The following SPON1 variants were observed in gnomAD, a reference collection of about 807,000 sequenced individuals.
SPON1 encodes spondin 1, also known as spondin-1.
SPON1 carries 52 observed loss-of-function variants against 111.7 expected under a neutral mutation model. The ratio of observed to expected loss-of-function variants is 0.47; its 90% CI spans 0.37 to 0.59. The LOEUF (loss-of-function observed/expected upper bound fraction) is 0.59. SPON1 is among the 20% of genes least tolerant of loss of function. The pLI, the probability that SPON1 is intolerant of heterozygous loss-of-function variation, is 0.00. For synonymous variants in SPON1, 410 were observed against 395.8 expected, an observed-to-expected ratio of 1.04 and a Z score of -0.43; for missense variants, 957 against 1,068.5, an observed-to-expected ratio of 0.90 and a Z score of 1.46.
At chr11:14,209,426 G>A (rs1301595704) in intron 6 of SPON1, among the ~76,000 whole-genome samples, 6 of 151,608 alleles carry the variant, frequency 4.0e-5, no homozygotes, top group East Asian at 1.9e-4. Flanking sequence ...CCCACACCCC[G>A]ACAGGCCCCG....
Position 14,265,584 on chromosome 11 carries a change from T to C in SPON1, c.2321T>C (p.Ile774Thr), listed in dbSNP as rs1554942399. 1 of 1,613,700 alleles carries C rather than the reference T, an allele frequency of 6.2e-7. No individual in the cohort carries two copies. Among genetic ancestry groups the C allele is most frequent in the Admixed American group, 1.7e-5 (1 of 59,994 alleles). ...SECTKLCGGG[I>T]QERYMTVKKR... is the part of the protein sequence containing the mutation. ...TGCACCAAACTGTGCGGAGGTGGAA[T>C]TCAGGAACGTTACATGACTGTAAAG... Residue 774 changes from isoleucine (I) to threonine (T), a missense_variant, in exon 16 of 16, where the codon ATT becomes ACT. By Grantham distance (89) the Ile-to-Thr change is moderately conservative. Coordinates refer to ENST00000576479, the MANE Select transcript of SPON1 (RefSeq NM_006108.4).
intron 6 of SPON1, among the ~76,000 whole-genome samples, chr11:14,156,830 C>T (rs1211027900): frequency 1.3e-5 from 2 of 152,046 alleles, no homozygotes; most frequent in Non-Finnish European, 2.9e-5. Context: ...TTTCTGAGGG[C>T]TCTGTTCTGT....
intron 3 of SPON1, among the ~76,000 whole-genome samples, chr11:14,061,662 T>A (rs1344790613): frequency 6.6e-6 from 1 of 152,154 alleles, no homozygotes; most frequent in Non-Finnish European, 1.5e-5. Context: ...GCCTAAACAG[T>A]AATACAAATA....
At chr11:14,157,658 T>C (rs975589317) in intron 6 of SPON1, among the ~76,000 whole-genome samples, 9 of 152,138 alleles carry the variant, frequency 5.9e-5, no homozygotes, top group Admixed American at 3.3e-4. Flanking sequence ...TTCTGGAACT[T>C]TAATTATATA....
At chr11:14,126,029 G>T (rs1478678882) in intron 5 of SPON1, among the ~76,000 whole-genome samples, 1 of 152,170 alleles carries the variant, frequency 6.6e-6, no homozygotes, top group African/African-American at 2.4e-5. Context: ...CCAGCTTAAA[G>T]GCAGTTAGGC....
intron 6 of SPON1, among the ~76,000 whole-genome samples, chr11:14,178,295 G>C (rs535421114): frequency 6.6e-6 from 1 of 151,948 alleles, no homozygotes; most frequent in African/African-American, 2.4e-5. Flanking sequence ...GGTGGCGGGC[G>C]CCTGTAGTCC....
intron 2 of SPON1, among the ~76,000 whole-genome samples, chr11:14,006,042 G>C (rs992190038): frequency 1.3e-5 from 2 of 152,104 alleles, no homozygotes; most frequent in Non-Finnish European, 2.9e-5. Context: ...ATTATTATTA[G>C]GGTAACATTA....
chr11:14,113,831 C>T (rs1378996076), intron 5 of SPON1, among the ~76,000 whole-genome samples: 3 of 150,924 alleles, frequency 2.0e-5, no homozygotes, highest in Non-Finnish European at 4.5e-5. Flanking sequence ...GTCTCGATCT[C>T]CTGACCTCGT....
chr11:14,042,438 G>T (rs192600615), intron 3 of SPON1, among the ~76,000 whole-genome samples: 55 of 152,130 alleles, frequency 3.6e-4, no homozygotes, highest in Non-Finnish European at 7.1e-4. Flanking sequence ...AGTATTTATG[G>T]TGACATCTAT....
intron 6 of SPON1, among the ~76,000 whole-genome samples, chr11:14,234,376 C>T (rs543486376): frequency 1.4e-4 from 22 of 152,164 alleles, no homozygotes; most frequent in Admixed American, 3.9e-4. Context: ...AGGCGGACCA[C>T]GGAAGAGCAG....
chr11:14,171,612 T>G (rs1848101654), intron 6 of SPON1, among the ~76,000 whole-genome samples: 1 of 152,222 alleles, frequency 6.6e-6, no homozygotes, highest in Admixed American at 6.5e-5. Flanking sequence ...CTTTCCTGCT[T>G]TCTCCTGTGG....
chr11:13,995,360 A>G (rs1848263200), intron 2 of SPON1, among the ~76,000 whole-genome samples: 1 of 152,170 alleles, frequency 6.6e-6, no homozygotes, highest in Non-Finnish European at 1.5e-5. Flanking sequence ...GTTTATAAAC[A>G]AAGAGGTTTA....
In SPON1 at chr11:14,197,499, A is replaced by G. The variant is rs1204078015; in HGVS notation, c.826-45833A>G. Among the ~76,000 whole-genome samples, 12 of 149,624 alleles carry G rather than the reference A, an allele frequency of 8.0e-5. 2 individuals carry two copies. The East Asian group carries it at 1.7e-3, about 22-fold the overall frequency. On this transcript the variant is annotated intron_variant, in intron 6 of 15. Transcript: ENST00000576479. ...AAAGGTCCTCTTTAAAAATAAATAA[A>G]TAAATAAATAAATAAATAAATAAAC... is the stretch of plus-strand genomic sequence containing the variant.
intron 4 of SPON1, among the ~76,000 whole-genome samples, chr11:14,077,896 G>A (rs1848931055): frequency 6.6e-6 from 1 of 151,922 alleles, no homozygotes; most frequent in Non-Finnish European, 1.5e-5. Flanking sequence ...AACAGAAACA[G>A]GATAATGAGA....
At chr11:14,199,712 G>A (rs1360580736) in intron 6 of SPON1, among the ~76,000 whole-genome samples, 2 of 152,126 alleles carry the variant, frequency 1.3e-5, no homozygotes, top group African/African-American at 4.8e-5. Flanking sequence ...TCCTGCTAAT[G>A]TGCATGCTCA....
intron 6 of SPON1, among the ~76,000 whole-genome samples, chr11:14,214,492 A>C (rs1848607141): frequency 6.6e-6 from 1 of 152,202 alleles, no homozygotes; most frequent in Non-Finnish European, 1.5e-5. Context: ...TTAAGAGGAG[A>C]AAAAGATCCA....
At chr11:14,081,456 T>C (rs1444453644) in intron 5 of SPON1, among the ~76,000 whole-genome samples, 4 of 152,066 alleles carry the variant, frequency 2.6e-5, no homozygotes, top group African/African-American at 9.7e-5. Context: ...TGTGGATAAG[T>C]TTACTGGGGA....
In SPON1 at chr11:14,079,889, A is replaced by G. The variant is rs782547322; in HGVS notation, c.554-10A>G. ...ACTTTCTAACTTGGTGACTTTTCTG[A>G]CTGTTTCAGATTCCACATTTGATGG... On this transcript the variant is annotated splice_polypyrimidine_tract_variant and intron_variant, in intron 4 of 15. Coordinates refer to ENST00000576479, the MANE Select transcript of SPON1 (RefSeq NM_006108.4). 1 of 1,613,758 alleles carries G rather than the reference A, an allele frequency of 6.2e-7. No individual in the cohort carries two copies. The highest frequency in any genetic ancestry group is 2.2e-5 in the East Asian group (1 of 44,850).
chr11:14,044,030 T>C (rs1554917603), intron 3 of SPON1, among the ~76,000 whole-genome samples: 2 of 152,148 alleles, frequency 1.3e-5, no homozygotes, highest in Non-Finnish European at 2.9e-5. Context: ...AGGCTTTGTC[T>C]AATTTGATCT....
Sources: gnomAD v4.1 joint callset for allele counts (sites outside exome capture counted in the v4.1 genomes callset) on GRCh38, gnomAD v4.1.1 for gene constraint, MANE v1.5 for transcripts, NCBI Gene and HGNC (gene_info 2026-07-23, HGNC 2026-07-21) for gene names.